EML1: variants seen among roughly 807,000 people sequenced by gnomAD.
EML1 encodes EMAP like 1, also known as echinoderm microtubule-associated protein-like 1.
A neutral mutation model predicts 110.4 loss-of-function variants in EML1; 27 were observed. The ratio of observed to expected loss-of-function variants is 0.24; its 90% confidence interval spans 0.18 to 0.34. The LOEUF (loss-of-function observed/expected upper bound fraction) is 0.34. Among genes scored for constraint, EML1 ranks in the 10% least tolerant of loss-of-function variants. The pLI is 1.00. For synonymous variants in EML1, 344 were observed against 385.8 expected (o/e 0.89, Z 1.27); for missense variants, 741 against 1,030.9 (o/e 0.72, Z 3.85).
At chr14:99,752,667 C>G (rs151261545) in intron 1 of EML1, among the ~76,000 whole-genome samples, 1 of 152,286 alleles carries the variant, frequency 6.6e-6, no homozygotes, top group African/African-American at 2.4e-5. Context: ...ACGGGGCCTC[C>G]AGACCCTGAC....
intron 1 of EML1, among the ~76,000 whole-genome samples, chr14:99,836,555 A>G (rs920787284): frequency 2.0e-5 from 3 of 152,342 alleles, no homozygotes; most frequent in East Asian, 3.9e-4. Flanking sequence ...TGTTGAATGT[A>G]TATAGTATAG....
At chr14:99,900,735 C>T (rs1327977455) in intron 8 of EML1, among the ~76,000 whole-genome samples, 194 bp from the exon 9 acceptor site, 1 of 152,222 alleles carries the variant, frequency 6.6e-6, no homozygotes, top group South Asian at 2.1e-4. Flanking sequence ...GTTAAATTAT[C>T]AACAAGGCCC....
upstream of EML1, among the ~76,000 whole-genome samples, chr14:99,769,626 CTCTGCAGTA>C (rs763250998): frequency 5.3e-5 from 8 of 152,226 alleles, no homozygotes; most frequent in Non-Finnish European, 1.2e-4. Context: ...ACTATCAAGT[CTCTGCAGTA>C]CCTGCCCCTA....
At chr14:99,756,944 C>T (rs1418629829) in intron 1 of EML1, among the ~76,000 whole-genome samples, 5 of 152,126 alleles carry the variant, frequency 3.3e-5, no homozygotes, top group Admixed American at 3.3e-4. Context: ...GATGCGCGTG[C>T]TCCTGTGCCC....
intron 17 of EML1, among the ~76,000 whole-genome samples, chr14:99,924,904 T>C (rs1468045245): frequency 2.6e-5 from 4 of 152,230 alleles, no homozygotes; most frequent in African/African-American, 9.6e-5. Context: ...TTTCAGATGT[T>C]GAACCAACTT....
At position 99,756,951 on chromosome 14, in the gene EML1, G is replaced by A. The variant is rs572998559; in HGVS notation, c.28+19091G>A. On this transcript the variant is annotated intron_variant, in intron 1 of 10. Transcript: ENST00000554479. The stretch of plus-strand genomic sequence containing the variant: ...TCCACAAGGATGCGCGTGCTCCTGT[G>A]CCCACAATGACACGCAGTTCTACAC... 2.6e-5 allele frequency among the ~76,000 whole-genome samples: 4 copies of A among 152,342 alleles called. No homozygotes were observed. In the South Asian group the frequency reaches 8.3e-4, roughly 32 times the overall value.
chr14:99,850,096 A>ATTT (rs561661395), intron 1 of EML1: 32 of 313,280 alleles, frequency 1.0e-4, no homozygotes, highest in Non-Finnish European at 1.1e-4. Flanking sequence ...CACCTGGCTA[A>ATTT]TTTTTTTTTT....
intron 15 of EML1, among the ~76,000 whole-genome samples, chr14:99,916,156 G>A (rs917863279): frequency 6.6e-6 from 1 of 152,256 alleles, no homozygotes; most frequent in Non-Finnish European, 1.5e-5. Flanking sequence ...GGAGCTCTAA[G>A]CTGGAAGCCA....
At chr14:99,928,436 C>T (rs961186048) in intron 17 of EML1, among the ~76,000 whole-genome samples, 1 of 151,892 alleles carries the variant, frequency 6.6e-6, no homozygotes, top group Non-Finnish European at 1.5e-5. Context: ...TACCTATAGC[C>T]CTTTCTCTCA....
intron 1 of EML1, among the ~76,000 whole-genome samples, chr14:99,756,476 C>G (rs544983655): frequency 5.9e-5 from 9 of 152,234 alleles, no homozygotes; most frequent in Non-Finnish European, 1.3e-4. Context: ...GTGAATGGCT[C>G]ATCGGTTCCT....
rs1025312779 is a variant in EML1 at position 99,929,734 on chromosome 14, G to C, written c.1910-6295G>C. Among the ~76,000 whole-genome samples, 3 of 152,192 alleles carry C rather than the reference G, an allele frequency of 2.0e-5. No individual in the cohort carries two copies. The South Asian group carries it at 6.2e-4, about 31-fold the overall frequency. ...GAGAGAGAGAGAGAAAGCATTCGATGCCCAAACACAGATTGTCATTGACAT... is the reference window on the plus strand; with the variant it reads ...GAGAGAGAGAGAGAAAGCATTCGATCCCCAAACACAGATTGTCATTGACAT... On this transcript the variant is annotated intron_variant, in intron 17 of 21. Transcript: ENST00000262233.
intron 3 of EML1, among the ~76,000 whole-genome samples, chr14:99,872,603 G>A (rs751745998): frequency 7.9e-5 from 12 of 152,132 alleles, no homozygotes; most frequent in Admixed American, 2.6e-4. Flanking sequence ...ATTTTGGTTC[G>A]TTTCTGGCAT....
At chr14:99,799,297 A>C (rs1394525699) in intron 1 of EML1, among the ~76,000 whole-genome samples, 1 of 152,366 alleles carries the variant, frequency 6.6e-6, no homozygotes, top group East Asian at 1.9e-4. Context: ...TTATTTAATA[A>C]TCTTAAACAT....
chr14:99,873,495 G>A (rs895950985), intron 3 of EML1, among the ~76,000 whole-genome samples: 5 of 152,168 alleles, frequency 3.3e-5, no homozygotes, highest in East Asian at 1.9e-4. Context: ...CCATTGAAAC[G>A]TAGGTGATAA....
intron 1 of EML1, among the ~76,000 whole-genome samples, chr14:99,776,550 T>C (rs961114853): frequency 6.6e-6 from 1 of 151,962 alleles, no homozygotes; most frequent in East Asian, 1.9e-4. Context: ...GCAGAATCCC[T>C]ATGATGTACA....
chr14:99,775,345 A>G (rs2057470385), intron 1 of EML1, among the ~76,000 whole-genome samples: 1 of 152,180 alleles, frequency 6.6e-6, no homozygotes, highest in African/African-American at 2.4e-5. Flanking sequence ...CAGAGGAGGG[A>G]GAAAGGGCAT....
intron 3 of EML1, among the ~76,000 whole-genome samples, chr14:99,877,642 C>A (rs1286254987): frequency 6.6e-6 from 1 of 152,218 alleles, no homozygotes; most frequent in African/African-American, 2.4e-5. Flanking sequence ...CACCTCCAAA[C>A]AAAGGCATTG....
intron 1 of EML1, among the ~76,000 whole-genome samples, chr14:99,804,591 T>C (rs937827830): frequency 6.6e-6 from 1 of 152,180 alleles, no homozygotes; most frequent in Non-Finnish European, 1.5e-5. Context: ...TACTCAGTTA[T>C]GCTCGATGAG....
intron 1 of EML1, among the ~76,000 whole-genome samples, chr14:99,740,563 G>A (rs1211915288): frequency 1.3e-5 from 2 of 152,190 alleles, no homozygotes; most frequent in Non-Finnish European, 1.5e-5. Flanking sequence ...CCCTGTGCCT[G>A]GGTGGGTGAG....
Sources: allele counts gnomAD v4.1 joint callset (sites outside exome capture counted in the v4.1 genomes callset), GRCh38; gene constraint gnomAD v4.1.1; transcripts MANE v1.5; gene names NCBI Gene and HGNC (gene_info 2026-07-23, HGNC 2026-07-21).